RAB4B: variants seen among roughly 807,000 people sequenced by gnomAD.
RAB4B encodes RAB4B, member RAS oncogene family, also known as ras-related protein Rab-4B.
Under a neutral mutation model 28.3 loss-of-function variants are expected in RAB4B, and 15 were observed. The ratio of observed to expected loss-of-function variants is 0.53; its 90% CI spans 0.35 to 0.82. The LOEUF is 0.82. Ranked by LOEUF, RAB4B falls within the 40% of genes least tolerant of loss-of-function variation. RAB4B has a pLI of 0.01. For synonymous variants in RAB4B, 108 were observed against 116.3 expected (o/e 0.93, Z 0.46); for missense variants, 244 against 288.5 (o/e 0.85, Z 1.12).
At chr19:40,790,040 G>A (rs1236826742) in intron 7 of RAB4B, among the ~76,000 whole-genome samples, 1 of 152,206 alleles carries the variant, frequency 6.6e-6, no homozygotes, top group Non-Finnish European at 1.5e-5. Flanking sequence ...GTCAGGGGTT[G>A]GAGGAAGCAG....
chr19:40,778,275 A>T lies in RAB4B; in HGVS notation c.-101A>T. On this transcript the variant is annotated 5_prime_UTR_variant, in exon 1 of 8. Coordinates refer to ENST00000357052, the MANE Select transcript of RAB4B (RefSeq NM_016154.5). ...AGTGGCGGTGCCGGGCCCGGGGAGT[A>T]GGAAGGAGCCGGGGCTGTAGCCGGA... 8.5e-7 allele frequency: 1 copy of T among 1,183,232 alleles called. No homozygotes were observed. The highest frequency in any genetic ancestry group is 1.1e-6 in the Non-Finnish European group (1 of 871,298). The allele number at this position is 1,183,232 out of a possible 1,614,324, so 73.3% of individuals were successfully genotyped here.
chr19:40,793,175 C>T (rs1267805677), intron 7 of RAB4B, among the ~76,000 whole-genome samples: 1 of 152,122 alleles, frequency 6.6e-6, no homozygotes, highest in Admixed American at 6.6e-5. Flanking sequence ...CTCCATTTCC[C>T]CCAACCCCTA....
intron 7 of RAB4B, among the ~76,000 whole-genome samples, chr19:40,787,363 C>T (rs992988255): frequency 7.2e-5 from 11 of 151,950 alleles, no homozygotes; most frequent in Non-Finnish European, 1.5e-4. Context: ...GGTGAAGCCC[C>T]CTCTCTACTA....
intron 1 of RAB4B, chr19:40,779,573 G>A (rs1381278808): frequency 4.7e-5 from 8 of 169,848 alleles, no homozygotes; most frequent in South Asian, 2.4e-4. Flanking sequence ...GAGAAACCCC[G>A]TCTCTACTAA....
At chr19:40,786,558 A>T in intron 5 of RAB4B, 107 bp from the exon 6 acceptor site, 1 of 1,517,414 alleles carries the variant, frequency 6.6e-7, no homozygotes, top group Admixed American at 2.0e-5. Flanking sequence ...AGGTGAGGGT[A>T]AGGGGGGATG....
intron 7 of RAB4B, among the ~76,000 whole-genome samples, chr19:40,789,720 C>T (rs960268596): frequency 6.7e-6 from 1 of 149,662 alleles, no homozygotes; most frequent in Non-Finnish European, 1.5e-5. Flanking sequence ...AGGTTGGTCT[C>T]GATCTCTTGA....
chr19:40,787,338 C>G (rs1245970149), intron 7 of RAB4B, among the ~76,000 whole-genome samples: 1 of 152,032 alleles, frequency 6.6e-6, no homozygotes, highest in Non-Finnish European at 1.5e-5. Context: ...AGTTCGAGAC[C>G]AGCCTGGCCA....
chr19:40,795,094 A>G (rs1315481285), intron 7 of RAB4B, among the ~76,000 whole-genome samples: 11 of 149,080 alleles, frequency 7.4e-5, no homozygotes, highest in Non-Finnish European at 1.5e-4. Flanking sequence ...GCGTGAACGC[A>G]GGAGGCGGAG....
At chr19:40,779,915 T>G in intron 1 of RAB4B, 104 bp from the exon 2 acceptor site, 1 of 1,599,490 alleles carries the variant, frequency 6.3e-7, no homozygotes, top group South Asian at 1.1e-5. Context: ...TTTCTCTCCC[T>G]CTAACTGTGA....
Position 40,796,699 on chromosome 19 carries a change from G to C in RAB4B, c.*145G>C, listed in dbSNP as rs1261685815. On this transcript the variant is annotated 3_prime_UTR_variant, in exon 8 of 8. Coordinates refer to ENST00000357052, the MANE Select transcript of RAB4B (RefSeq NM_016154.5). ...CCCCTTCCCTGGCCTGGTGGGGCCT[G>C]GCTTTGGGGCAAGACTGAGCCACGG... The C allele has an allele frequency of 1.3e-5, 2 of 153,106 alleles. No individual in the cohort carries two copies. Among genetic ancestry groups the C allele is most frequent in the Non-Finnish European group, 2.9e-5 (2 of 68,436 alleles). 9.5% of individuals were successfully genotyped at this position (153,106 alleles called of 1,614,324 possible).
At chr19:40,780,554 A>T in intron 3 of RAB4B, 55 bp downstream of exon 3, 1 of 1,467,576 alleles carries the variant, frequency 6.8e-7, no homozygotes, top group South Asian at 1.2e-5. Context: ...AAGGAAAGAG[A>T]GAGATGTGTG....
Position 40,783,837 on chromosome 19 carries a change from C to A in RAB4B, c.272C>A (p.Thr91Asn). The part of the protein sequence containing the change: ...AAGALLVYDI[T>N]SRETYNSLAA... ...GGAGCCCTGCTGGTGTACGACATCA[C>A]CAGGTGGGTGCCCGGGGTGGGTGGG... is the stretch of plus-strand genomic sequence containing the variant. The change falls in exon 4 of 8, where the codon ACC (threonine) becomes AAC (asparagine). Residue 91 changes from threonine to asparagine, a missense_variant. Transcript: ENST00000357052. 1 of 1,579,352 alleles carries A rather than the reference C, an allele frequency of 6.3e-7. No homozygotes were observed. Among genetic ancestry groups the A allele is most frequent in the Non-Finnish European group, 8.6e-7 (1 of 1,158,590 alleles).
rs554977604 is a variant in RAB4B at position 40,786,768 on chromosome 19, C to G, written c.526+8C>G. 28 of 1,614,090 alleles carry G rather than the reference C, an allele frequency of 1.7e-5. No individual in the cohort carries two copies. The South Asian group carries it at 3.1e-4, about 18-fold the overall frequency. Reference sequence around the variant, plus strand: ...TCAACAAGATTGACTCAGGTGAGGCCCCGACCGGCCCGAGTGGGAGCGAAG... The same window carrying G: ...TCAACAAGATTGACTCAGGTGAGGCGCCGACCGGCCCGAGTGGGAGCGAAG... On this transcript the variant is annotated splice_region_variant and intron_variant, in intron 6 of 7. Coordinates refer to ENST00000357052, the MANE Select transcript of RAB4B (RefSeq NM_016154.5).
intron 7 of RAB4B, among the ~76,000 whole-genome samples, chr19:40,793,346 C>T (rs962089568): frequency 2.0e-5 from 3 of 151,826 alleles, no homozygotes; most frequent in Admixed American, 6.6e-5. Flanking sequence ...GTGTTTCTCC[C>T]ACCTCAGCCC....
At chr19:40,788,682 G>A (rs902641472) in intron 7 of RAB4B, among the ~76,000 whole-genome samples, 3 of 150,638 alleles carry the variant, frequency 2.0e-5, no homozygotes, top group African/African-American at 4.9e-5. Context: ...CGCCTCCTGG[G>A]TTCAAGTGAT....
intron 5 of RAB4B, among the ~76,000 whole-genome samples, chr19:40,785,296 A>G (rs1183617738): frequency 1.4e-5 from 2 of 140,274 alleles, no homozygotes; most frequent in South Asian, 2.3e-4. Flanking sequence ...ACTTGAGATC[A>G]GGAGTTTTAG....
intron 7 of RAB4B, among the ~76,000 whole-genome samples, chr19:40,788,753 A>AT (rs1212640840): frequency 2.2e-5 from 3 of 135,398 alleles, no homozygotes; most frequent in Admixed American, 1.5e-4. Context: ...TGCCTGGCTA[A>AT]TTTTTTTTAA....
In RAB4B at chr19:40,789,952, C is replaced by T. The variant is rs945750884; in HGVS notation, c.*15+2974C>T. Among the ~76,000 whole-genome samples the T allele has an allele frequency of 7.9e-5, 12 of 152,124 alleles. No homozygotes were observed. The South Asian group carries it at 8.3e-4, about 11-fold the overall frequency. ...TTCTAGCGAGGGGTATGCCTGGTGT[C>T]GGTGAGGGTGACCAAAGCAGCCAGT... is the stretch of plus-strand genomic sequence containing the variant. On this transcript the variant is annotated intron_variant, in intron 7 of 7. Transcript: ENST00000357052.
chr19:40,788,642 T>C (rs893777075), intron 7 of RAB4B, among the ~76,000 whole-genome samples: 10 of 150,780 alleles, frequency 6.6e-5, no homozygotes, highest in African/African-American at 2.4e-4. Flanking sequence ...GATGGAGTGC[T>C]GTGGCGTGAT....
Sources: allele counts gnomAD v4.1 joint callset (sites outside exome capture counted in the v4.1 genomes callset), GRCh38; gene constraint gnomAD v4.1.1; transcripts MANE v1.5; gene names NCBI Gene and HGNC (gene_info 2026-07-23, HGNC 2026-07-21).